The following RBFOX3 variants were observed in gnomAD, a reference collection of about 807,000 sequenced individuals.
The protein encoded by RBFOX3 is RNA binding fox-1 homolog 3, also known as RNA binding protein fox-1 homolog 3.
A neutral mutation model predicts 48.7 loss-of-function variants in RBFOX3; 17 were observed. The ratio of observed to expected loss-of-function variants is 0.35; its 90% confidence interval spans 0.24 to 0.52. The LOEUF (loss-of-function observed/expected upper bound fraction) is 0.52, where lower values mean the gene tolerates loss of function less well. Among genes scored for constraint, RBFOX3 ranks in the 20% least tolerant of loss-of-function variants. The pLI is 0.94. For synonymous variants in RBFOX3, 212 were observed against 209.5 expected (o/e 1.01, Z -0.10); for missense variants, 382 against 497.5 (o/e 0.77, Z 2.21).
At chr17:79,302,335 G>A (rs192072875) in intron 3 of RBFOX3, among the ~76,000 whole-genome samples, 37 of 152,262 alleles carry the variant, frequency 2.4e-4, no homozygotes, top group Admixed American at 1.8e-3. Context: ...CTAGTAAGAC[G>A]GAGCCAGGGT....
chr17:79,147,095 G>C (rs918047899), intron 4 of RBFOX3, among the ~76,000 whole-genome samples: 1 of 152,220 alleles, frequency 6.6e-6, no homozygotes, highest in Non-Finnish European at 1.5e-5. Flanking sequence ...TTCCCAGCCT[G>C]CTGTGCTGCT....
intron 4 of RBFOX3, among the ~76,000 whole-genome samples, chr17:79,159,481 C>T (rs1193879533): frequency 2.6e-5 from 4 of 152,172 alleles, no homozygotes; most frequent in African/African-American, 4.8e-5. Flanking sequence ...CTGGACTCCA[C>T]ACGCATCTGT....
At chr17:79,371,675 C>G (rs2058558716) in intron 2 of RBFOX3, among the ~76,000 whole-genome samples, 1 of 152,148 alleles carries the variant, frequency 6.6e-6, no homozygotes, top group African/African-American at 2.4e-5. Flanking sequence ...CCAGGACACC[C>G]CCAGCAGCCC....
intron 4 of RBFOX3, among the ~76,000 whole-genome samples, chr17:79,123,575 C>T (rs141763740): frequency 2.6e-5 from 4 of 152,256 alleles, no homozygotes; most frequent in East Asian, 1.9e-4. Context: ...ACGCTAACAA[C>T]GGCCCTAATG....
At chr17:79,125,589 TG>T (rs148877941) in intron 4 of RBFOX3, among the ~76,000 whole-genome samples, 4,310 of 152,274 alleles carry the variant, frequency 0.028, 201 homozygotes, top group African/African-American at 0.096. Context: ...GGCTGGCCAA[TG>T]GTCTGGCCGT....
At position 79,423,178 on chromosome 17, in the gene RBFOX3, G is replaced by A. The variant is rs182592945; in HGVS notation, c.-175+59276C>T. Among the ~76,000 whole-genome samples the A allele has an allele frequency of 7.9e-5, 12 of 152,280 alleles. No individual in the cohort carries two copies. Among genetic ancestry groups the A allele is most frequent in the Non-Finnish European group, 1.5e-4 (10 of 68,028 alleles). ...CCAGAGTTTTCAAACGTGTCTTGGC[G>A]TCACATGTCCAAAACCAAACTCCTC... On this transcript the variant is annotated intron_variant, in intron 2 of 14. Coordinates refer to ENST00000693108, the MANE Select transcript of RBFOX3 (RefSeq NM_001350451.2). This position sits in a 1 kb window ranked among gnomAD's most constrained non-coding sequence, Gnocchi z 4.9.
intron 1 of RBFOX3, among the ~76,000 whole-genome samples, chr17:79,518,666 C>T (rs1486140939): frequency 1.3e-5 from 2 of 152,240 alleles, no homozygotes; most frequent in Non-Finnish European, 2.9e-5. Context: ...CCTGCAAGAA[C>T]AAGCCAGGCC....
intron 2 of RBFOX3, among the ~76,000 whole-genome samples, chr17:79,310,971 T>C (rs1309171369): frequency 1.3e-5 from 2 of 152,140 alleles, no homozygotes; most frequent in African/African-American, 4.8e-5. Flanking sequence ...GGGGTGGTAC[T>C]TGGTAAGTGT....
chr17:79,097,876 C>G, intron 9 of RBFOX3, 131 bp from the exon 10 acceptor site: 1 of 891,506 alleles, frequency 1.1e-6, no homozygotes, highest in Admixed American at 2.1e-5. Flanking sequence ...CCGCGCCGGG[C>G]CCCCCTTTCC....
chr17:79,238,572 T>C (rs892720529), intron 3 of RBFOX3, among the ~76,000 whole-genome samples: 6 of 152,236 alleles, frequency 3.9e-5, no homozygotes, highest in African/African-American at 7.2e-5. Flanking sequence ...CTTTCGGCTC[T>C]GGAATTCCCA....
intron 4 of RBFOX3, among the ~76,000 whole-genome samples, chr17:79,176,807 AAAAAGGTG>A (rs904441005): frequency 3.3e-5 from 5 of 152,184 alleles, no homozygotes; most frequent in African/African-American, 9.6e-5. Context: ...GGGAGGGAAG[AAAAAGGTG>A]AAAAGGGAGA....
At chr17:79,319,963 T>C (rs1001479342) in intron 2 of RBFOX3, among the ~76,000 whole-genome samples, 5 of 106,792 alleles carry the variant, frequency 4.7e-5, no homozygotes, top group Non-Finnish European at 9.4e-5. Context: ...CTGCTGGTCT[T>C]GTCCGGGCTG....
At chr17:79,614,048 C>G (rs1420190264), upstream of RBFOX3, among the ~76,000 whole-genome samples, 1 of 152,198 alleles carries the variant, frequency 6.6e-6, no homozygotes, top group Non-Finnish European at 1.5e-5. Context: ...GAACAGTAGC[C>G]GGCTGTGGGC....
chr17:79,139,426 G>C (rs946765307), intron 4 of RBFOX3, among the ~76,000 whole-genome samples: 2 of 152,240 alleles, frequency 1.3e-5, no homozygotes, highest in Non-Finnish European at 1.5e-5. Flanking sequence ...TGCTGTGACT[G>C]GGTGCCAGCT....
intron 1 of RBFOX3, among the ~76,000 whole-genome samples, chr17:79,579,044 T>C (rs2092956568): frequency 4.6e-5 from 7 of 152,210 alleles, no homozygotes; most frequent in Admixed American, 3.3e-4. Flanking sequence ...CCATCTCCCA[T>C]GCGTCTCCGT....
chr17:79,291,739 G>A (rs1347046249), intron 3 of RBFOX3, among the ~76,000 whole-genome samples: 1 of 152,190 alleles, frequency 6.6e-6, no homozygotes, highest in Non-Finnish European at 1.5e-5. Context: ...TGCGTTCACA[G>A]AACACAGAGA....
chr17:79,317,442 C>T (rs1229683794), intron 2 of RBFOX3, among the ~76,000 whole-genome samples: 2 of 152,224 alleles, frequency 1.3e-5, no homozygotes, highest in Non-Finnish European at 2.9e-5. Flanking sequence ...CCAGGGTTCA[C>T]CTGTGGGGCT....
At chr17:79,178,433 G>T (rs1295902514) in intron 4 of RBFOX3, among the ~76,000 whole-genome samples, 11 of 152,300 alleles carry the variant, frequency 7.2e-5, no homozygotes, top group Non-Finnish European at 2.9e-5. Flanking sequence ...AGAACTTCCT[G>T]AATCTTCGTT....
intron 1 of RBFOX3, among the ~76,000 whole-genome samples, chr17:79,553,882 A>T (rs1939268775): frequency 6.6e-6 from 1 of 151,980 alleles, no homozygotes; most frequent in African/African-American, 2.4e-5. Flanking sequence ...ATAGGCACCC[A>T]CCACCACATC....
Sources: allele counts gnomAD v4.1 joint callset (sites outside exome capture counted in the v4.1 genomes callset), GRCh38; gene constraint gnomAD v4.1.1; non-coding constraint Gnocchi (gnomAD v3.1); transcripts MANE v1.5; gene names NCBI Gene and HGNC (gene_info 2026-07-23, HGNC 2026-07-21).